Variants in GFM1 observed in about 807,000 individuals in gnomAD.
GFM1 encodes the protein elongation factor G, mitochondrial.
Under a neutral mutation model 96.2 loss-of-function variants are expected in GFM1, and 62 were observed. The ratio of observed to expected loss-of-function variants is 0.64; its 90% CI spans 0.53 to 0.80. The LOEUF is 0.80. GFM1 is among the 30% of genes least tolerant of loss of function. The pLI, the probability that GFM1 is intolerant of heterozygous loss-of-function variation, is 0.00. For synonymous variants in GFM1, 282 were observed against 312.9 expected, an observed-to-expected ratio of 0.90 and a Z score of 1.04; for missense variants, 852 against 916.6, an observed-to-expected ratio of 0.93 and a Z score of 0.91.
chr3:158,684,315 A>G (rs953366476), intron 14 of GFM1, among the ~76,000 whole-genome samples: 79 of 152,180 alleles, frequency 5.2e-4, no homozygotes, highest in Non-Finnish European at 2.2e-4. Context: ...AAGTTTACCT[A>G]TGTAACAAAA....
At chr3:158,677,028 TAA>T (rs1724962070) in intron 13 of GFM1, among the ~76,000 whole-genome samples, 1 of 152,194 alleles carries the variant, frequency 6.6e-6, no homozygotes, top group Non-Finnish European at 1.5e-5. Flanking sequence ...TAGCATATTC[TAA>T]CTTCACATCT....
At chr3:158,662,748 C>A (rs905175132) in intron 11 of GFM1, 64 bp downstream of exon 11, 1 of 908,368 alleles carries the variant, frequency 1.1e-6, no homozygotes, top group Non-Finnish European at 1.9e-6. Context: ...TCATCTATCT[C>A]TACAATGCAC....
intron 8 of GFM1, chr3:158,656,648 A>G (rs972605200): frequency 6.6e-5 from 10 of 152,220 alleles, no homozygotes; most frequent in Admixed American, 5.9e-4. Flanking sequence ...CACTATCTAC[A>G]TAAGTTATTT....
At position 158,692,274 on chromosome 3, in the gene GFM1, CTTGT is replaced by C. The variant is rs1346604641; in HGVS notation, c.*812_*815del. ...AAAGTAGACCCTTGCATATACTATT[CTTGT>C]TTGTGTTCATCTTAATGTTTTTGTA... On this transcript the variant is annotated 3_prime_UTR_variant, in exon 18 of 18. Transcript: ENST00000486715. 6.6e-6 allele frequency: 1 copy of C among 152,140 alleles called. No homozygotes were observed. Among genetic ancestry groups the C allele is most frequent in the Non-Finnish European group, 1.5e-5 (1 of 68,016 alleles). 9.4% of individuals were successfully genotyped at this position (152,140 alleles called of 1,614,324 possible). A position where few individuals can be genotyped will look rare whatever the true frequency, so the allele number is the denominator to read the frequency against.
intron 8 of GFM1, chr3:158,655,816 G>A (rs1253695589): frequency 2.2e-6 from 1 of 452,854 alleles, no homozygotes; most frequent in Non-Finnish European, 4.4e-6. Flanking sequence ...TTTTGTCTAG[G>A]TCCTTTTTCC....
At position 158,665,359 on chromosome 3, in the gene GFM1, A is replaced by G. The variant is rs1315582099; in HGVS notation, c.1403A>G (p.Lys468Arg). 6.2e-7 allele frequency: 1 copy of G among 1,611,168 alleles called. No homozygotes were observed. Among genetic ancestry groups the G allele is most frequent in the Admixed American group, 1.7e-5 (1 of 59,980 alleles). ...AAGAACGATCTGGAAAAATTTTCAA[A>G]AGGTATTGGCAGGTTTACAAGAGAA... Reference protein sequence around the residue: ...SNKNDLEKFSKGIGRFTREDP... With the variant: ...SNKNDLEKFSRGIGRFTREDP... The change falls in exon 12 of 18, where the codon AAA (lysine) becomes AGA (arginine). Residue 468 changes from lysine (K) to arginine (R), a missense_variant. Lys to Arg is a conservative substitution (Grantham distance 26). Transcript: ENST00000486715.
chr3:158,672,686 C>T, intron 13 of GFM1: 1 of 512,304 alleles, frequency 2.0e-6, no homozygotes, highest in South Asian at 2.2e-5. Context: ...CCTGGGCTGA[C>T]TGCTTCTGAG....
rs67517331 is a variant in GFM1, at chr3:158,686,721, G to GTTTTTTTTT, written c.1909+2068_1909+2076dup. ...AACACTAGATTATAATTGAATTGAG[G>GTTTTTTTTT]TTTTTTTTTTTTTTTTTTTTTTTGA... On this transcript the variant is annotated intron_variant, in intron 15 of 17. Transcript: ENST00000486715. 1.5e-4 allele frequency among the ~76,000 whole-genome samples: 13 copies of GTTTTTTTTT among 85,730 alleles called. 1 individual carries two copies. The highest frequency in any genetic ancestry group is 2.3e-4 in the Non-Finnish European group (11 of 48,532). The allele number at this position is 85,730 out of a possible 152,430, so 56.2% of individuals were successfully genotyped here. A position where few individuals can be genotyped will look rare whatever the true frequency, so the allele number is the denominator to read the frequency against.
chr3:158,682,254 AGTTT>A (rs1725461703), intron 14 of GFM1, 97 bp downstream of exon 14: 1 of 990,356 alleles, frequency 1.0e-6, no homozygotes, highest in East Asian at 2.6e-5. Context: ...TGTCTATCAC[AGTTT>A]GTTTTAGTTA....
At chr3:158,671,572 C>G (rs1402587263) in intron 13 of GFM1, among the ~76,000 whole-genome samples, 1 of 152,128 alleles carries the variant, frequency 6.6e-6, no homozygotes, top group Non-Finnish European at 1.5e-5. Flanking sequence ...AATCAAGATA[C>G]AGATTGAAAA....
chr3:158,659,243 A>G (rs981914062), intron 9 of GFM1, among the ~76,000 whole-genome samples, 184 bp downstream of exon 9: 4 of 151,970 alleles, frequency 2.6e-5, no homozygotes, highest in African/African-American at 7.3e-5. Context: ...GCAGTTGTTA[A>G]CTCATTTTTT....
At chr3:158,667,098 T>G in intron 13 of GFM1, 1 of 1,564,354 alleles carries the variant, frequency 6.4e-7, no homozygotes, top group South Asian at 1.2e-5. Context: ...TAAAAACGTG[T>G]TGTTTAAAAC....
intron 13 of GFM1, among the ~76,000 whole-genome samples, chr3:158,678,024 A>G (rs1295629886): frequency 6.6e-6 from 1 of 151,894 alleles, no homozygotes; most frequent in Non-Finnish European, 1.5e-5. Flanking sequence ...TGCTAAATCT[A>G]CTCTGCTTGT....
chr3:158,669,076 C>A (rs999702503), intron 13 of GFM1: 3 of 1,613,658 alleles, frequency 1.9e-6, no homozygotes, highest in Non-Finnish European at 2.5e-6. Context: ...TAACCACAGG[C>A]AACCCAGGCT....
At chr3:158,649,895 AC>A in intron 5 of GFM1, 1 of 857,608 alleles carries the variant, frequency 1.2e-6, no homozygotes, top group Non-Finnish European at 1.9e-6. Flanking sequence ...TGCTGCTCTT[AC>A]AGGTCTGCAG....
At chr3:158,655,681 C>A in intron 8 of GFM1, 3 of 243,074 alleles carry the variant, frequency 1.2e-5, no homozygotes, top group South Asian at 4.9e-5. Context: ...GAAGATAGTC[C>A]AGAGAATTCC....
intron 13 of GFM1, among the ~76,000 whole-genome samples, chr3:158,677,575 A>G (rs535556121): frequency 1.3e-5 from 2 of 152,182 alleles, no homozygotes; most frequent in African/African-American, 4.8e-5. Flanking sequence ...ATCTCGGCTC[A>G]CTACAGTGAG....
intron 11 of GFM1, among the ~76,000 whole-genome samples, chr3:158,664,462 T>TAG: frequency 6.6e-6 from 1 of 152,306 alleles, no homozygotes; most frequent in African/African-American, 2.4e-5. Context: ...TGAAGACTGT[T>TAG]ACCTGAGGGC....
chr3:158,654,593 A>G lies in GFM1; in HGVS notation c.1045A>G (p.Asn349Asp), dbSNP rs748044303. The stretch of plus-strand genomic sequence containing the variant: ...AATCCTAATGAACTCCAGTAGAGAC[A>G]ATTCCCACCCATTTGTAGGCCTGGC... ...TKILMNSSRDNSHPFVGLAFK... is the reference protein window; with the variant it reads ...TKILMNSSRDDSHPFVGLAFK... Residue 349 changes from asparagine (N) to aspartate (D), a missense_variant, in exon 8 of 18, where the codon AAT becomes GAT. Coordinates refer to ENST00000486715, the MANE Select transcript of GFM1 (RefSeq NM_024996.7). 6.2e-7 allele frequency: 1 copy of G among 1,613,206 alleles called. No individual in the cohort carries two copies. The highest frequency in any genetic ancestry group is 1.3e-5 in the African/African-American group (1 of 74,926).
Sources: gnomAD v4.1 joint callset for allele counts (sites outside exome capture counted in the v4.1 genomes callset) on GRCh38, gnomAD v4.1.1 for gene constraint, MANE v1.5 for transcripts, NCBI Gene and HGNC (gene_info 2026-07-23, HGNC 2026-07-21) for gene names.